The following ANKRD30A variants were observed in gnomAD, a reference collection of about 807,000 sequenced individuals.
ANKRD30A encodes the protein ankyrin repeat domain 30A, also known as ankyrin repeat domain-containing protein 30A.
ANKRD30A carries 170 observed loss-of-function variants against 166.3 expected under a neutral mutation model. That is an observed-to-expected ratio of 1.02 (90% confidence interval 0.90 to 1.16). ANKRD30A has a LOEUF of 1.16. Among genes scored for constraint, ANKRD30A ranks in the 50% most tolerant of loss-of-function variants. The probability of loss-of-function intolerance (pLI) is 0.00; values close to 1 mark genes in which losing one functional copy is unlikely to be tolerated. For synonymous variants in ANKRD30A, 564 were observed against 508.9 expected, an observed-to-expected ratio of 1.11 and a Z score of -1.46; for missense variants, 1,630 against 1,518.0, an observed-to-expected ratio of 1.07 and a Z score of -1.23.
the ANKRD30A span, among the ~76,000 whole-genome samples, chr10:37,253,441 A>G: frequency 6.6e-6 from 1 of 152,168 alleles, no homozygotes. Context: ...AATCCATTAT[A>G]GAATATTTTT....
rs756777578 is a variant in ANKRD30A, at chr10:37,142,290, G to A, written c.1393G>A (p.Asp465Asn). 6.3e-7 allele frequency: 1 copy of A among 1,587,402 alleles called. No homozygotes were observed. The highest frequency in any genetic ancestry group is 8.5e-7 in the Non-Finnish European group (1 of 1,172,044). The change falls in exon 7 of 36, where the codon GAT becomes AAT. Residue 465 changes from aspartate (D) to asparagine (N), a missense_variant and splice_region_variant. Physicochemically the swap from Asp to Asn is conservative, Grantham distance 23. Transcript: ENST00000361713. ...KESSTKASAN[D>N]QRFPSESKQE... The stretch of plus-strand genomic sequence containing the variant: ...ATCATCTACAAAAGCAAGTGCCAAT[G>A]GTAAGATGCTAGAGCGAACTTTGTA...
At chr10:37,244,625 C>T in the ANKRD30A span, among the ~76,000 whole-genome samples, 1 of 152,198 alleles carries the variant, frequency 6.6e-6, no homozygotes, top group African/African-American at 2.4e-5. Flanking sequence ...ATCAGGTTAC[C>T]TCTGCTGCTT....
At chr10:37,179,363 T>A (rs191618810) in intron 24 of ANKRD30A, among the ~76,000 whole-genome samples, 16 of 150,196 alleles carry the variant, frequency 1.1e-4, no homozygotes, top group African/African-American at 3.6e-4. Flanking sequence ...ATGAAATACA[T>A]CAATATTGAA....
chr10:37,232,654 T>TTTTATATATATA (rs1843466585), downstream of ANKRD30A: 1 of 54,214 alleles, frequency 1.8e-5, no homozygotes, highest in East Asian at 1.1e-3. Flanking sequence ...AGCATTGGTT[T>TTTTATATATATA]TATATATATA....
chr10:37,219,632 A>G lies in ANKRD30A; in HGVS notation c.3920A>G (p.Asp1307Gly). 3 of 1,610,280 alleles carry G rather than the reference A, an allele frequency of 1.9e-6. No individual in the cohort carries two copies. Among genetic ancestry groups the G allele is most frequent in the Non-Finnish European group, 2.5e-6 (3 of 1,177,634 alleles). Residue 1307 changes from aspartate (D) to glycine (G), a missense_variant, in exon 34 of 36, where the codon GAT becomes GGT. Physicochemically the swap from Asp to Gly is moderately conservative, Grantham distance 94. Around this residue, in one of 4 missense-constraint regions of ANKRD30A, gnomAD observed 712 missense variants for 629.3 expected, o/e 1.13. Transcript: ENST00000361713. Reference sequence around the variant, plus strand: ...GAACACATGTATCAAAACGAACAAGATAATGTGAACAAACACACTGAACAG... The same window carrying G: ...GAACACATGTATCAAAACGAACAAGGTAATGTGAACAAACACACTGAACAG... ...EAEHMYQNEQ[D>G]NVNKHTEQQE...
At chr10:37,127,028 T>C (rs373366241) in intron 1 of ANKRD30A, among the ~76,000 whole-genome samples, 9 of 90,790 alleles carry the variant, frequency 9.9e-5, no homozygotes, top group East Asian at 9.6e-4. Flanking sequence ...GCCTAGGTGA[T>C]AGAGTGAAAC....
Position 37,166,756 on chromosome 10 carries a change from A to G in ANKRD30A, c.2155+61A>G, listed in dbSNP as rs191764258. The G allele has an allele frequency of 1.0e-4, 160 of 1,604,584 alleles. No individual in the cohort carries two copies. The African/African-American group carries it at 1.1e-3, about 11-fold the overall frequency. On this transcript the variant is annotated intron_variant, in intron 19 of 35. Transcript: ENST00000361713. ...AAATATTTCTCTAAACTGATGAGGA[A>G]GGATATCCTCTAGTAGCTGAAGAAA...
chr10:37,217,379 T>C (rs901750438), intron 32 of ANKRD30A, among the ~76,000 whole-genome samples: 6 of 150,996 alleles, frequency 4.0e-5, no homozygotes, highest in African/African-American at 1.5e-4. Context: ...TAATTTTGAC[T>C]GCGTGAGATT....
intron 12 of ANKRD30A, 41 bp downstream of exon 12, chr10:37,152,162 A>G (rs1452513112): frequency 2.7e-6 from 4 of 1,479,476 alleles, no homozygotes; most frequent in Admixed American, 3.6e-5. Context: ...TTAGTATTGC[A>G]TGATATGAAA....
chr10:37,254,681 T>A, the ANKRD30A span, among the ~76,000 whole-genome samples: 1 of 149,988 alleles, frequency 6.7e-6, no homozygotes, highest in Non-Finnish European at 1.5e-5. Flanking sequence ...TTCTTTTCTT[T>A]TCTTTTTTTT....
At chr10:37,193,157 T>G (rs2132662758) in intron 26 of ANKRD30A, 29 bp from the exon 27 acceptor site, 1 of 1,608,460 alleles carries the variant, frequency 6.2e-7, no homozygotes, top group Admixed American at 1.7e-5. Flanking sequence ...ACATTGTATA[T>G]TAATTGTTTT....
chr10:37,132,002 A>C (rs1409550243), intron 3 of ANKRD30A, among the ~76,000 whole-genome samples: 1 of 152,208 alleles, frequency 6.6e-6, no homozygotes, highest in Non-Finnish European at 1.5e-5. Flanking sequence ...GAAACCATAA[A>C]ATCATTACAA....
chr10:37,223,813 C>T (rs1461129513), intron 34 of ANKRD30A, among the ~76,000 whole-genome samples: 1 of 150,748 alleles, frequency 6.6e-6, no homozygotes, highest in East Asian at 2.0e-4. Context: ...AATTAAATTT[C>T]TTTAAAAGAC....
chr10:37,257,766 C>G, the ANKRD30A span, among the ~76,000 whole-genome samples: 1 of 152,134 alleles, frequency 6.6e-6, no homozygotes, highest in South Asian at 2.1e-4. Context: ...TAGAGTACAC[C>G]ATGGAATACT....
intron 15 of ANKRD30A, among the ~76,000 whole-genome samples, chr10:37,159,720 T>G (rs534324997): frequency 6.6e-6 from 1 of 152,270 alleles, no homozygotes; most frequent in Admixed American, 6.5e-5. Context: ...GTTTTGTTTT[T>G]GTTTTTTTGA....
intron 34 of ANKRD30A, among the ~76,000 whole-genome samples, chr10:37,227,865 TG>T (rs1312676168): frequency 6.6e-6 from 1 of 152,026 alleles, no homozygotes; most frequent in Admixed American, 6.6e-5. Flanking sequence ...TTATCCATCC[TG>T]GGAAGAGAAG....
the ANKRD30A span, among the ~76,000 whole-genome samples, chr10:37,261,496 A>G: frequency 6.6e-6 from 1 of 152,218 alleles, no homozygotes; most frequent in Admixed American, 6.5e-5. Context: ...TGAATCATAA[A>G]TGAACACTTG....
chr10:37,238,725 C>T, the ANKRD30A span, among the ~76,000 whole-genome samples: 2 of 152,090 alleles, frequency 1.3e-5, no homozygotes, highest in African/African-American at 4.8e-5. Flanking sequence ...AAGATAATAG[C>T]ATTACCTTAG....
intron 18 of ANKRD30A, among the ~76,000 whole-genome samples, chr10:37,165,804 A>G (rs1839282523): frequency 6.6e-6 from 1 of 152,164 alleles, no homozygotes; most frequent in African/African-American, 2.4e-5. Context: ...TGAGCGTCAA[A>G]TCATAGTGAT....
Sources: allele counts gnomAD v4.1 joint callset (sites outside exome capture counted in the v4.1 genomes callset), GRCh38; gene constraint gnomAD v4.1.1; regional missense constraint gnomAD v4.1.1; transcripts MANE v1.5; gene names NCBI Gene and HGNC (gene_info 2026-07-23, HGNC 2026-07-21).